The following COPB2 variants were observed in gnomAD, a reference collection of about 807,000 sequenced individuals.
The protein encoded by COPB2 is coatomer subunit beta'.
A neutral mutation model predicts 120.8 loss-of-function variants in COPB2; 16 were observed. The observed-to-expected ratio is 0.13, with a 90% CI of 0.09 to 0.20. The LOEUF (loss-of-function observed/expected upper bound fraction) is 0.20, where lower values mean the gene tolerates loss of function less well. COPB2 is among the 10% of genes least tolerant of loss of function. The pLI, the probability that COPB2 is intolerant of heterozygous loss-of-function variation, is 1.00. For synonymous variants in COPB2, 332 were observed against 366.3 expected, an observed-to-expected ratio of 0.91 and a Z score of 1.07; for missense variants, 794 against 1,076.5, an observed-to-expected ratio of 0.74 and a Z score of 3.67.
intron 8 of COPB2, 59 bp from the exon 9 acceptor site, chr3:139,373,471 A>C: frequency 6.3e-7 from 1 of 1,585,554 alleles, no homozygotes; most frequent in South Asian, 1.1e-5. Flanking sequence ...AACCAAAACA[A>C]AACAGATTAT....
At chr3:139,358,148 G>A in intron 21 of COPB2, 52 bp downstream of exon 21, 1 of 1,476,304 alleles carries the variant, frequency 6.8e-7, no homozygotes, top group Non-Finnish European at 9.5e-7. Context: ...TCCAGATATT[G>A]ATGGGGAGGA....
rs373015644 is a variant in COPB2 at position 139,373,428 on chromosome 3, A to G, written c.895-16T>C. 5.3e-5 allele frequency: 85 copies of G among 1,613,548 alleles called. No individual in the cohort carries two copies. In the Middle Eastern group the frequency reaches 1.6e-3, roughly 31 times the overall value. On this transcript the variant is annotated splice_polypyrimidine_tract_variant and intron_variant, in intron 8 of 21. Coordinates refer to ENST00000333188, the MANE Select transcript of COPB2 (RefSeq NM_004766.3). ...CCCGACCAAGCTGAAAGAAAGAAAA[A>G]TAGCTCTCAGCAATGAAAAGGAAAA...
chr3:139,360,961 G>T, intron 17 of COPB2, 120 bp downstream of exon 17: 1 of 1,067,230 alleles, frequency 9.4e-7, no homozygotes, highest in Non-Finnish European at 1.4e-6. Flanking sequence ...TGTTCTGACT[G>T]CCCCGTCTAT....
chr3:139,387,029 T>C (rs1941937359), intron 1 of COPB2, among the ~76,000 whole-genome samples: 1 of 141,296 alleles, frequency 7.1e-6, no homozygotes, highest in African/African-American at 2.5e-5. Flanking sequence ...TGAAACCCCG[T>C]CTCTACTAAA....
chr3:139,386,264 T>C (rs1264658111), intron 1 of COPB2, among the ~76,000 whole-genome samples: 2 of 134,342 alleles, frequency 1.5e-5, no homozygotes, highest in Non-Finnish European at 3.1e-5. Flanking sequence ...TACTTTCTTG[T>C]TTTTTTTTTT....
In COPB2 at chr3:139,368,188, G is replaced by A. The variant is rs759447429; in HGVS notation, c.1502C>T (p.Thr501Ile). The stretch of plus-strand genomic sequence containing the variant: ...GCCATCTTCAGTAACTCCCTCATGT[G>A]TTTCCTGTGCAGCCAAGACTTTTTC... ...LSEKVLAAQE[T>I]HEGVTEDGIE... The change falls in exon 13 of 22, where the codon ACA becomes ATA. Residue 501 changes from threonine to isoleucine, a missense_variant. Thr to Ile is a moderately conservative substitution (Grantham distance 89). Transcript: ENST00000333188. 1 of 1,613,880 alleles carries A rather than the reference G, an allele frequency of 6.2e-7. No individual in the cohort carries two copies. Among genetic ancestry groups the A allele is most frequent in the Non-Finnish European group, 8.5e-7 (1 of 1,179,870 alleles).
chr3:139,389,226 T>A (rs1481681787), intron 1 of COPB2, among the ~76,000 whole-genome samples: 1 of 152,200 alleles, frequency 6.6e-6, no homozygotes, highest in Non-Finnish European at 1.5e-5. Context: ...CAAAGCCTCC[T>A]ACGGAGTTCA....
chr3:139,381,971 G>A (rs149376218), intron 2 of COPB2: 1 of 151,810 alleles, frequency 6.6e-6, no homozygotes, highest in East Asian at 1.9e-4. Context: ...AAATTGTAGA[G>A]AACACAAATA....
At chr3:139,379,337 C>A (rs1941767729) in intron 3 of COPB2, 43 bp downstream of exon 3, 1 of 1,592,100 alleles carries the variant, frequency 6.3e-7, no homozygotes, top group East Asian at 2.2e-5. Context: ...CAATCATTGA[C>A]CAATTCAGAA....
chr3:139,373,908 T>C, intron 7 of COPB2, 100 bp from the exon 8 acceptor site: 2 of 1,416,046 alleles, frequency 1.4e-6, no homozygotes, highest in Non-Finnish European at 9.5e-7. Flanking sequence ...TTCAAACAGA[T>C]AACACTTCCT....
chr3:139,371,713 CA>C lies in COPB2; in HGVS notation c.1205+9del. The C allele has an allele frequency of 6.2e-7, 1 of 1,611,852 alleles. No homozygotes were observed. The highest frequency in any genetic ancestry group is 8.5e-7 in the Non-Finnish European group (1 of 1,178,058). On this transcript the variant is annotated intron_variant, in intron 10 of 21. Coordinates refer to ENST00000333188, the MANE Select transcript of COPB2 (RefSeq NM_004766.3). ...CAGGGCATGCTGGCTATCATACAAT[CA>C]AAACTTACTCTGAAGAATCGTGGGC...
chr3:139,361,550 T>C (rs762887030), intron 16 of COPB2, among the ~76,000 whole-genome samples: 16 of 152,234 alleles, frequency 1.1e-4, no homozygotes, highest in Non-Finnish European at 2.4e-4. Context: ...TACTTTTATC[T>C]TATAATTACA....
intron 1 of COPB2, among the ~76,000 whole-genome samples, chr3:139,386,473 A>T (rs900987244): frequency 6.6e-6 from 1 of 152,000 alleles, no homozygotes; most frequent in Non-Finnish European, 1.5e-5. Flanking sequence ...GCTGGTCTCG[A>T]ACTCCTCTCC....
chr3:139,375,201 T>C (rs999200590), intron 6 of COPB2, among the ~76,000 whole-genome samples: 1 of 152,212 alleles, frequency 6.6e-6, no homozygotes, highest in Non-Finnish European at 1.5e-5. Context: ...ATGAAGATTA[T>C]GGAGGATAAT....
At chr3:139,376,904 C>G (rs996398900) in intron 5 of COPB2, among the ~76,000 whole-genome samples, 1 of 152,192 alleles carries the variant, frequency 6.6e-6, no homozygotes, top group Non-Finnish European at 1.5e-5. Context: ...CGCCTGCCAC[C>G]ACACCCAGCT....
rs537659344 is a variant in COPB2 at position 139,388,584 on chromosome 3, G to A, written c.3+964C>T. ...TAAGATGAGGGACTTAATCCCTAGC[G>A]TCTTCAAGCTCCAAAATGTTTGATT... On this transcript the variant is annotated intron_variant, in intron 1 of 21. Transcript: ENST00000333188. 1.0e-4 allele frequency among the ~76,000 whole-genome samples: 15 copies of A among 149,946 alleles called. 1 individual carries two copies. The South Asian group carries it at 3.2e-3, about 32-fold the overall frequency.
chr3:139,376,290 T>C (rs994640158), intron 5 of COPB2, among the ~76,000 whole-genome samples: 1 of 152,142 alleles, frequency 6.6e-6, no homozygotes. Flanking sequence ...TAAAGGCCTA[T>C]TAAAAGGAGA....
At chr3:139,375,178 T>C (rs902202533) in intron 6 of COPB2, among the ~76,000 whole-genome samples, 1 of 152,202 alleles carries the variant, frequency 6.6e-6, no homozygotes, top group African/African-American at 2.4e-5. Flanking sequence ...CAAAAATGAA[T>C]AGAAGTCTAT....
rs374521174 is a variant in COPB2 at position 139,388,867 on chromosome 3, T to C, written c.3+681A>G. 5.9e-5 allele frequency among the ~76,000 whole-genome samples: 9 copies of C among 151,970 alleles called. No individual in the cohort carries two copies. In the South Asian group the frequency reaches 1.2e-3, roughly 21 times the overall value. On this transcript the variant is annotated intron_variant, in intron 1 of 21. Transcript: ENST00000333188. ...TACTATCGTTTTCTTTCCTTATTATTATAACACTCTTGTGCAAACTAGTCT... is the reference window on the plus strand; with the variant it reads ...TACTATCGTTTTCTTTCCTTATTATCATAACACTCTTGTGCAAACTAGTCT...
Sources: allele counts gnomAD v4.1 joint callset (sites outside exome capture counted in the v4.1 genomes callset), GRCh38; gene constraint gnomAD v4.1.1; transcripts MANE v1.5; gene names NCBI Gene and HGNC (gene_info 2026-07-23, HGNC 2026-07-21).